CEP112: variants seen among roughly 807,000 people sequenced by gnomAD.
The protein encoded by CEP112 is centrosomal protein of 112 kDa.
A neutral mutation model predicts 153.0 loss-of-function variants in CEP112; 127 were observed. The ratio of observed to expected loss-of-function variants is 0.83; its 90% confidence interval spans 0.72 to 0.96. The LOEUF (loss-of-function observed/expected upper bound fraction) is 0.96, where lower values mean the gene tolerates loss of function less well. CEP112 is among the 40% of genes least tolerant of loss of function. CEP112 has a pLI of 0.00. For synonymous variants in CEP112, 358 were observed against 374.4 expected, an observed-to-expected ratio of 0.96 and a Z score of 0.51; for missense variants, 1,089 against 1,101.2, an observed-to-expected ratio of 0.99 and a Z score of 0.16.
In CEP112 at chr17:66,173,033, A is replaced by G. The variant is rs1273435944; in HGVS notation, c.470+2011T>C. Reference sequence around the variant, plus strand: ...TCCCACCTCTTGAATAGCTAGGACCACAGACGCACAGGCTGTGCCCAATCC... The same window carrying G: ...TCCCACCTCTTGAATAGCTAGGACCGCAGACGCACAGGCTGTGCCCAATCC... On this transcript the variant is annotated intron_variant, in intron 4 of 26. Coordinates refer to ENST00000535342, the MANE Select transcript of CEP112 (RefSeq NM_001199165.4). Among the ~76,000 whole-genome samples the G allele has an allele frequency of 5.9e-5, 9 of 152,330 alleles. No individual in the cohort carries two copies. The East Asian group carries it at 1.5e-3, about 26-fold the overall frequency.
At chr17:65,887,219 C>T (rs543086504) in intron 20 of CEP112, among the ~76,000 whole-genome samples, 2 of 152,230 alleles carry the variant, frequency 1.3e-5, no homozygotes, top group South Asian at 4.1e-4. Flanking sequence ...CTAGCCCTTG[C>T]ACTTCAGAGC....
At chr17:65,844,373 A>T (rs2057640775) in intron 21 of CEP112, among the ~76,000 whole-genome samples, 1 of 152,254 alleles carries the variant, frequency 6.6e-6, no homozygotes, top group African/African-American at 2.4e-5. Context: ...CAATCTCCAC[A>T]TTAAACAATT....
At chr17:65,681,107 G>T (rs2047500282) in intron 24 of CEP112, among the ~76,000 whole-genome samples, 1 of 152,220 alleles carries the variant, frequency 6.6e-6, no homozygotes, top group African/African-American at 2.4e-5. Flanking sequence ...GGGCTGTTTT[G>T]AGGATAGGGG....
At chr17:65,985,851 T>TTG (rs1479215920) in intron 17 of CEP112, among the ~76,000 whole-genome samples, 1 of 151,094 alleles carries the variant, frequency 6.6e-6, no homozygotes, top group African/African-American at 2.4e-5. Flanking sequence ...GGCTTTTGTT[T>TTG]TTTTTTTTTT....
At chr17:65,905,069 AAAGC>A (rs2060017810) in intron 19 of CEP112, among the ~76,000 whole-genome samples, 1 of 152,244 alleles carries the variant, frequency 6.6e-6, no homozygotes, top group African/African-American at 2.4e-5. Flanking sequence ...TAAAACACCA[AAAGC>A]AATGGCAACA....
intron 8 of CEP112, among the ~76,000 whole-genome samples, chr17:66,090,152 C>T (rs1158423863): frequency 1.3e-5 from 2 of 151,972 alleles, no homozygotes; most frequent in Admixed American, 6.6e-5. Context: ...GAGTTCATGA[C>T]CACTAGACTT....
chr17:65,975,669 T>A (rs1334845173), intron 17 of CEP112, among the ~76,000 whole-genome samples: 3 of 152,224 alleles, frequency 2.0e-5, no homozygotes, highest in Non-Finnish European at 4.4e-5. Context: ...ATGTGTGTGA[T>A]ACAACTTAGC....
chr17:65,964,014 C>T (rs779650598), intron 17 of CEP112, among the ~76,000 whole-genome samples: 48 of 152,178 alleles, frequency 3.2e-4, no homozygotes, highest in Non-Finnish European at 5.6e-4. Context: ...GTGTGATGCC[C>T]TGCATGACAG....
At chr17:65,637,264 T>C (rs1015210047) in intron 25 of CEP112, 76 bp from the exon 26 acceptor site, 10 of 967,982 alleles carry the variant, frequency 1.0e-5, no homozygotes, top group Admixed American at 7.3e-5. Context: ...ATGGTAAGAT[T>C]TTATTTAAAT....
intron 20 of CEP112, among the ~76,000 whole-genome samples, chr17:65,863,782 G>T (rs374676951): frequency 6.7e-6 from 1 of 150,330 alleles, no homozygotes; most frequent in South Asian, 2.1e-4. Context: ...GAAACAAAAT[G>T]GTAGAAGACA....
At chr17:65,988,773 A>G (rs2063490513) in intron 17 of CEP112, among the ~76,000 whole-genome samples, 1 of 152,182 alleles carries the variant, frequency 6.6e-6, no homozygotes, top group Non-Finnish European at 1.5e-5. Context: ...CCTACAAGAT[A>G]CAGAAAATTA....
intron 21 of CEP112, among the ~76,000 whole-genome samples, chr17:65,797,590 T>G (rs2055013831): frequency 6.6e-6 from 1 of 152,246 alleles, no homozygotes; most frequent in South Asian, 2.1e-4. Context: ...TCCAATGTCA[T>G]GCTGACAGAC....
At chr17:65,907,336 T>C (rs2060122148) in intron 19 of CEP112, among the ~76,000 whole-genome samples, 1 of 152,230 alleles carries the variant, frequency 6.6e-6, no homozygotes, top group African/African-American at 2.4e-5. Context: ...ATAGCGGTTA[T>C]CACATTTCAA....
At chr17:66,099,344 A>C (rs1296702879) in intron 6 of CEP112, among the ~76,000 whole-genome samples, 1 of 152,046 alleles carries the variant, frequency 6.6e-6, no homozygotes, top group Non-Finnish European at 1.5e-5. Context: ...TCTCTACTAA[A>C]AATACAAAAA....
chr17:66,033,210 A>T lies in CEP112; in HGVS notation c.1219-3187T>A, dbSNP rs115734518. Among the ~76,000 whole-genome samples the T allele has an allele frequency of 9.2e-3, 1,405 of 152,328 alleles. 17 individuals are homozygous for T. The highest frequency in any genetic ancestry group is 0.032 in the African/African-American group (1,334 of 41,570). On this transcript the variant is annotated intron_variant, in intron 12 of 26. Transcript: ENST00000535342. Reference sequence around the variant, plus strand: ...CAGCATTTACCTAGTTAGTGTACCTAAAGAACAGAAATGGTAGAACAAGAA... The same window carrying T: ...CAGCATTTACCTAGTTAGTGTACCTTAAGAACAGAAATGGTAGAACAAGAA...
In CEP112 at chr17:65,927,717, T is replaced by C. The variant is rs769323795; in HGVS notation, c.1873-28A>G. Reference sequence around the variant, plus strand: ...ATAAAATTTAAAAATCAAATATTAATTTTTTAAACAAACAATTGTGTTCCA... The same window carrying C: ...ATAAAATTTAAAAATCAAATATTAACTTTTTAAACAAACAATTGTGTTCCA... On this transcript the variant is annotated intron_variant, in intron 18 of 26. Transcript: ENST00000535342. 6.5e-6 allele frequency: 9 copies of C among 1,384,262 alleles called. No individual in the cohort carries two copies. The South Asian group carries it at 1.1e-4, about 17-fold the overall frequency. 85.7% of individuals were successfully genotyped at this position (1,384,262 alleles called of 1,614,324 possible). A position where few individuals can be genotyped will look rare whatever the true frequency, so the allele number is the denominator to read the frequency against.
chr17:65,820,848 A>G (rs2056495025), intron 21 of CEP112, among the ~76,000 whole-genome samples: 1 of 152,180 alleles, frequency 6.6e-6, no homozygotes, highest in Non-Finnish European at 1.5e-5. Context: ...TATGAAATGT[A>G]CAATAACATA....
intron 19 of CEP112, among the ~76,000 whole-genome samples, chr17:65,905,599 G>A (rs2060041948): frequency 6.6e-6 from 1 of 152,138 alleles, no homozygotes; most frequent in South Asian, 2.1e-4. Flanking sequence ...CCATTACTGG[G>A]TATATACCCA....
chr17:65,816,397 T>C (rs2094425890), intron 21 of CEP112, among the ~76,000 whole-genome samples: 1 of 151,920 alleles, frequency 6.6e-6, no homozygotes, highest in African/African-American at 2.4e-5. Context: ...ACCTGAGCAG[T>C]ATACACTGCA....
Sources: gnomAD v4.1 joint callset for allele counts (sites outside exome capture counted in the v4.1 genomes callset) on GRCh38, gnomAD v4.1.1 for gene constraint, MANE v1.5 for transcripts, NCBI Gene and HGNC (gene_info 2026-07-23, HGNC 2026-07-21) for gene names.